FAT3: variants seen among roughly 807,000 people sequenced by gnomAD.
FAT3 encodes protocadherin Fat 3.
A neutral mutation model predicts 310.2 loss-of-function variants in FAT3; 95 were observed. The ratio of observed to expected loss-of-function variants is 0.31; its 90% CI spans 0.26 to 0.36. FAT3 has a LOEUF of 0.36. Ranked by LOEUF, FAT3 falls within the 10% of genes least tolerant of loss-of-function variation. FAT3 has a pLI of 1.00. For synonymous variants in FAT3, 2,314 were observed against 2,192.9 expected, an observed-to-expected ratio of 1.06 and a Z score of -1.54; for missense variants, 5,408 against 5,715.6, an observed-to-expected ratio of 0.95 and a Z score of 1.74.
At chr11:92,741,663 A>G (rs569469877) in intron 4 of FAT3, among the ~76,000 whole-genome samples, 1 of 152,180 alleles carries the variant, frequency 6.6e-6, no homozygotes, top group Non-Finnish European at 1.5e-5. Context: ...TAAAATTTAC[A>G]TGTACTCCCT....
intron 16 of FAT3, among the ~76,000 whole-genome samples, chr11:92,837,411 G>T (rs1948434632): frequency 6.6e-6 from 1 of 152,202 alleles, no homozygotes; most frequent in South Asian, 2.1e-4. Flanking sequence ...TGGGCAGGGG[G>T]TGATACTGCC....
intron 3 of FAT3, among the ~76,000 whole-genome samples, chr11:92,536,612 C>T (rs184357813): frequency 3.4e-4 from 52 of 152,236 alleles, no homozygotes; most frequent in African/African-American, 1.1e-3. Context: ...TGCATATGGA[C>T]GGAATTTGTT....
chr11:92,515,871 A>T (rs1953464985), intron 2 of FAT3, among the ~76,000 whole-genome samples: 1 of 152,078 alleles, frequency 6.6e-6, no homozygotes, highest in South Asian at 2.1e-4. Flanking sequence ...CTCTGTTTGG[A>T]GATGATATGA....
chr11:92,639,395 G>A (rs1321711703), intron 3 of FAT3, among the ~76,000 whole-genome samples: 1 of 152,142 alleles, frequency 6.6e-6, no homozygotes. Flanking sequence ...TCTCTCCATA[G>A]TTCAGGGAGC....
chr11:92,269,767 C>T (rs1946072373), intron 1 of FAT3, among the ~76,000 whole-genome samples: 1 of 152,028 alleles, frequency 6.6e-6, no homozygotes, highest in Non-Finnish European at 1.5e-5. Context: ...AAATAATTTT[C>T]AGAATAAAGT....
chr11:92,228,015 T>C (rs1403825659), intron 1 of FAT3, among the ~76,000 whole-genome samples: 1 of 152,188 alleles, frequency 6.6e-6, no homozygotes, highest in Non-Finnish European at 1.5e-5. Flanking sequence ...TGTTGCCTTT[T>C]TGGAACTTGA....
At chr11:92,295,264 A>T (rs1946820293) in intron 1 of FAT3, among the ~76,000 whole-genome samples, 1 of 152,138 alleles carries the variant, frequency 6.6e-6, no homozygotes. Flanking sequence ...AATGTCGTTC[A>T]ATTCAGCCAT....
At chr11:92,449,962 AT>A (rs1220578677) in intron 2 of FAT3, among the ~76,000 whole-genome samples, 1 of 152,170 alleles carries the variant, frequency 6.6e-6, no homozygotes, top group African/African-American at 2.4e-5. Flanking sequence ...TGAAGTTACC[AT>A]GGCCAACCAT....
intron 1 of FAT3, among the ~76,000 whole-genome samples, chr11:92,226,550 C>A (rs1055433175): frequency 6.6e-5 from 10 of 151,836 alleles, no homozygotes; most frequent in African/African-American, 2.4e-4. Flanking sequence ...CATCCTGAGG[C>A]TGCAGCTCGC....
In FAT3 at chr11:92,882,864, C is replaced by T. The variant is rs1453675085; in HGVS notation, c.12408C>T (p.Arg4136=). Residue 4136 remains arginine (R), a synonymous_variant, in exon 24 of 28, where the codon CGC becomes CGT. Coordinates refer to ENST00000525166, the MANE Select transcript of FAT3 (RefSeq NM_001367949.2). ...ACGTGGGCCAGTACTGCGGGCTGCG[C>T]CCCGTGGTGGTACCCAATATCCAGG... is the stretch of plus-strand genomic sequence containing the variant. ...PGYVGQYCGL[R]PVVVPNIQAG... is the part of the protein sequence containing the mutation. 1 of 1,612,250 alleles carries T rather than the reference C, an allele frequency of 6.2e-7. No homozygotes were observed. The highest frequency in any genetic ancestry group is 8.5e-7 in the Non-Finnish European group (1 of 1,179,372).
intron 3 of FAT3, among the ~76,000 whole-genome samples, chr11:92,537,469 G>A (rs1373877555): frequency 6.6e-6 from 1 of 152,098 alleles, no homozygotes; most frequent in Non-Finnish European, 1.5e-5. Context: ...CCTTTCCTGT[G>A]TGTACTGACC....
chr11:92,836,477 C>T, intron 15 of FAT3, 89 bp from the exon 16 acceptor site: 1 of 1,457,784 alleles, frequency 6.9e-7, no homozygotes. Flanking sequence ...GTCACAGCTG[C>T]ACCCATTTAA....
intron 1 of FAT3, among the ~76,000 whole-genome samples, chr11:92,230,817 G>T (rs1864147837): frequency 6.6e-6 from 1 of 152,186 alleles, no homozygotes; most frequent in South Asian, 2.1e-4. Context: ...CTATGAACAG[G>T]AGCCTCAAGG....
In FAT3 at chr11:92,799,623, C is replaced by A; in HGVS notation, c.6610C>A (p.Pro2204Thr). 6.2e-7 allele frequency: 1 copy of A among 1,613,756 alleles called. No individual in the cohort carries two copies. Residue 2204 changes from proline to threonine, a missense_variant, in exon 10 of 28, where the codon CCC (proline) becomes ACC (threonine). Pro to Thr is a conservative substitution (Grantham distance 38). Coordinates refer to ENST00000525166, the MANE Select transcript of FAT3 (RefSeq NM_001367949.2). ...SVNEDIRMNT[P>T]ILSINATSPE... ...CAATGAAGACATCAGAATGAACACA[C>A]CCATCCTAAGCATCAATGCCACCAG...
intron 7 of FAT3, among the ~76,000 whole-genome samples, chr11:92,787,775 G>A (rs1024499070): frequency 2.0e-5 from 3 of 151,530 alleles, no homozygotes; most frequent in Non-Finnish European, 4.4e-5. Context: ...TAATAAGAAT[G>A]TTGGAATTAT....
chr11:92,307,233 A>G (rs1041679198), intron 1 of FAT3, among the ~76,000 whole-genome samples: 3 of 137,338 alleles, frequency 2.2e-5, no homozygotes, highest in Admixed American at 8.8e-5. Context: ...AGGCAGTTCC[A>G]TACAAGATAA....
chr11:92,818,307 G>A (rs1947876285), intron 13 of FAT3, among the ~76,000 whole-genome samples: 1 of 151,730 alleles, frequency 6.6e-6, no homozygotes, highest in African/African-American at 2.4e-5. Context: ...AAAAAAAAAA[G>A]AGGCACATCT....
At chr11:92,400,888 A>G (rs934541832) in intron 2 of FAT3, among the ~76,000 whole-genome samples, 41 of 152,158 alleles carry the variant, frequency 2.7e-4, no homozygotes, top group African/African-American at 9.9e-4. Flanking sequence ...TACCATAAAA[A>G]CAATCTGCTG....
chr11:92,705,947 G>T (rs919558784), intron 4 of FAT3, among the ~76,000 whole-genome samples: 5 of 75,412 alleles, frequency 6.6e-5, no homozygotes, highest in Non-Finnish European at 1.1e-4. Flanking sequence ...GGTGATTGTG[G>T]TGTGGTGGTT....
Sources: allele counts gnomAD v4.1 joint callset (sites outside exome capture counted in the v4.1 genomes callset), GRCh38; gene constraint gnomAD v4.1.1; transcripts MANE v1.5; gene names NCBI Gene and HGNC (gene_info 2026-07-23, HGNC 2026-07-21).